The following DCP1A variants were observed in gnomAD, a reference collection of about 807,000 sequenced individuals.
DCP1A encodes decapping mRNA 1A.
A neutral mutation model predicts 58.0 loss-of-function variants in DCP1A; 20 were observed. The ratio of observed to expected loss-of-function variants is 0.34; its 90% CI spans 0.24 to 0.50. DCP1A has a LOEUF of 0.50. Among genes scored for constraint, DCP1A ranks in the 20% least tolerant of loss-of-function variants. The pLI is 0.98. For synonymous variants in DCP1A, 285 were observed against 275.1 expected, an observed-to-expected ratio of 1.04 and a Z score of -0.36; for missense variants, 613 against 712.2, an observed-to-expected ratio of 0.86 and a Z score of 1.59.
At chr3:53,323,816 C>T (rs142876040) in intron 3 of DCP1A, among the ~76,000 whole-genome samples, 1,860 of 148,306 alleles carry the variant, frequency 0.013, 35 homozygotes, top group African/African-American at 0.044. Flanking sequence ...GAGCCGAGAT[C>T]GCACCACTGC....
chr3:53,300,313 A>T (rs1384169788), intron 6 of DCP1A, among the ~76,000 whole-genome samples: 3 of 149,516 alleles, frequency 2.0e-5, no homozygotes, highest in Non-Finnish European at 3.0e-5. Flanking sequence ...CTCATTTTTC[A>T]TCTTTCAATG....
chr3:53,322,670 C>A (rs1265583198), intron 3 of DCP1A, among the ~76,000 whole-genome samples: 7 of 151,764 alleles, frequency 4.6e-5, no homozygotes, highest in Admixed American at 4.6e-4. Flanking sequence ...CCTCTAATTA[C>A]ACTAAAACTG....
Position 53,286,083 on chromosome 3 carries a change from C to T in DCP1A, c.*1497G>A, listed in dbSNP as rs1706624006. 1 of 152,068 alleles carries T rather than the reference C, an allele frequency of 6.6e-6. No homozygotes were observed. Among genetic ancestry groups the T allele is most frequent in the East Asian group, 1.9e-4 (1 of 5,200 alleles). 9.4% of individuals were successfully genotyped at this position (152,068 alleles called of 1,614,324 possible). A position where few individuals can be genotyped will look rare whatever the true frequency, so the allele number is the denominator to read the frequency against. ...TCATTCTTTATGCTAAAAACTAAGA[C>T]CAAACTAAAACAAGTATGTAATTCA... On this transcript the variant is annotated 3_prime_UTR_variant, in exon 10 of 10. Coordinates refer to ENST00000610213, the MANE Select transcript of DCP1A (RefSeq NM_018403.7).
At chr3:53,342,326 T>C (rs2089220660) in intron 2 of DCP1A, 55 bp from the exon 3 acceptor site, 1 of 1,257,238 alleles carries the variant, frequency 8.0e-7, no homozygotes, top group Non-Finnish European at 1.1e-6. Flanking sequence ...TCTGTAGAAA[T>C]GTTATCTACT....
chr3:53,308,204 G>A (rs782281391), intron 5 of DCP1A, among the ~76,000 whole-genome samples: 1 of 151,936 alleles, frequency 6.6e-6, no homozygotes, highest in Non-Finnish European at 1.5e-5. Context: ...TTCTCTGTAA[G>A]CTGTTTTAAA....
At chr3:53,344,618 GGGGTA>G (rs545665855) in intron 2 of DCP1A, among the ~76,000 whole-genome samples, 13 of 152,220 alleles carry the variant, frequency 8.5e-5, no homozygotes, top group Admixed American at 8.5e-4. Context: ...TTCTAATATG[GGGGTA>G]GGAAGAGAGA....
chr3:53,289,975 G>C (rs1293395705), intron 8 of DCP1A, among the ~76,000 whole-genome samples: 1 of 152,168 alleles, frequency 6.6e-6, no homozygotes, highest in Non-Finnish European at 1.5e-5. Flanking sequence ...TCACCATGCA[G>C]AAGGACAAGA....
In DCP1A at chr3:53,296,646, CT is replaced by C. The variant is rs373522431; in HGVS notation, c.625-3820del. 1.6e-4 allele frequency among the ~76,000 whole-genome samples: 25 copies of C among 152,222 alleles called. 1 individual carries two copies. Among genetic ancestry groups the C allele is most frequent in the African/African-American group, 5.8e-4 (24 of 41,532 alleles). ...ATATTTAAGTGTAAAATTCAGTGGCCTTTAGTATATTCATGTTGTTGTTTTT... is the reference window on the plus strand; with the variant it reads ...ATATTTAAGTGTAAAATTCAGTGGCCTTAGTATATTCATGTTGTTGTTTTT... On this transcript the variant is annotated intron_variant, in intron 6 of 9. Transcript: ENST00000610213.
chr3:53,284,169 C>A lies in DCP1A; in HGVS notation c.*3411G>T, dbSNP rs1357374426. 1 of 152,262 alleles carries A rather than the reference C, an allele frequency of 6.6e-6. No individual in the cohort carries two copies. The highest frequency in any genetic ancestry group is 1.5e-5 in the Non-Finnish European group (1 of 68,056). The allele number at this position is 152,262 out of a possible 1,614,324, so 9.4% of individuals were successfully genotyped here. The stretch of plus-strand genomic sequence containing the variant: ...CCTCAGTTCTCCTCACTCACACGGG[C>A]TGAGCCCACTCGTGCCTGTGCCACC... On this transcript the variant is annotated 3_prime_UTR_variant, in exon 10 of 10. Transcript: ENST00000610213.
At chr3:53,317,142 C>T (rs1575608305) in intron 4 of DCP1A, among the ~76,000 whole-genome samples, 2 of 152,126 alleles carry the variant, frequency 1.3e-5, no homozygotes, top group South Asian at 2.1e-4. Flanking sequence ...ATCAACAACC[C>T]TGTGCCTTTT....
chr3:53,294,943 C>G (rs1707067791), intron 6 of DCP1A, among the ~76,000 whole-genome samples: 1 of 152,208 alleles, frequency 6.6e-6, no homozygotes, highest in Non-Finnish European at 1.5e-5. Flanking sequence ...ATGGCACCAC[C>G]ACCCAGGACC....
At chr3:53,327,844 CG>C (rs1708154361) in intron 3 of DCP1A, among the ~76,000 whole-genome samples, 3 of 151,190 alleles carry the variant, frequency 2.0e-5, no homozygotes, top group African/African-American at 7.3e-5. Flanking sequence ...AAACAAAGGC[CG>C]GGCGTGGTGG....
chr3:53,293,761 A>C (rs138280075), intron 6 of DCP1A, among the ~76,000 whole-genome samples: 303 of 152,362 alleles, frequency 2.0e-3, no homozygotes, highest in African/African-American at 7.0e-3. Context: ...CAATATTATA[A>C]GACTATGGTA....
chr3:53,335,656 A>T (rs184246374), intron 3 of DCP1A, among the ~76,000 whole-genome samples: 100 of 152,270 alleles, frequency 6.6e-4, no homozygotes, highest in Middle Eastern at 3.4e-3. Context: ...TTTTGGATAC[A>T]TTCTGGATTT....
chr3:53,317,409 C>T (rs980758666), intron 4 of DCP1A, among the ~76,000 whole-genome samples: 2 of 152,210 alleles, frequency 1.3e-5, no homozygotes, highest in African/African-American at 2.4e-5. Flanking sequence ...AGGTGATCTG[C>T]CCGCCTTGGC....
Position 53,347,496 on chromosome 3 carries a change from C to T in DCP1A, c.22G>A (p.Gly8Arg). 2 of 1,612,598 alleles carry T rather than the reference C, an allele frequency of 1.2e-6. No homozygotes were observed. Among genetic ancestry groups the T allele is most frequent in the Non-Finnish European group, 1.7e-6 (2 of 1,179,180 alleles). Residue 8 changes from glycine to arginine, a missense_variant, in exon 1 of 10, where the codon GGG (glycine) becomes AGG (arginine). By Grantham distance (125) the Gly-to-Arg change is moderately radical. Coordinates refer to ENST00000610213, the MANE Select transcript of DCP1A (RefSeq NM_018403.7). MEALSRA[G>R]QEMSLAALKQ... ...AGGGCCGCTAGGCTCATCTCCTGCCCAGCTCGACTCAGCGCCTCCATCTTG... is the reference window on the plus strand; with the variant it reads ...AGGGCCGCTAGGCTCATCTCCTGCCTAGCTCGACTCAGCGCCTCCATCTTG...
At chr3:53,347,271 T>C in intron 1 of DCP1A, 112 bp downstream of exon 1, 1 of 1,305,230 alleles carries the variant, frequency 7.7e-7, no homozygotes, top group South Asian at 1.7e-5. Flanking sequence ...CCTGGCCTCG[T>C]CTCCACCGCC....
intron 6 of DCP1A, among the ~76,000 whole-genome samples, chr3:53,293,042 C>CAA (rs1282841182): frequency 6.6e-6 from 1 of 152,036 alleles, no homozygotes; most frequent in African/African-American, 2.4e-5. Flanking sequence ...TAATATAATT[C>CAA]AAATTTTTAG....
At chr3:53,323,881 A>G (rs1708041004) in intron 3 of DCP1A, among the ~76,000 whole-genome samples, 2 of 151,758 alleles carry the variant, frequency 1.3e-5, no homozygotes, top group Non-Finnish European at 2.9e-5. Flanking sequence ...AAAAAAAAAA[A>G]AGTTTATGAT....
Sources: gnomAD v4.1 joint callset for allele counts (sites outside exome capture counted in the v4.1 genomes callset) on GRCh38, gnomAD v4.1.1 for gene constraint, MANE v1.5 for transcripts, NCBI Gene and HGNC (gene_info 2026-07-23, HGNC 2026-07-21) for gene names.